The following COMMD6 variants were observed in gnomAD, a reference collection of about 807,000 sequenced individuals.
COMMD6 encodes COMM domain-containing protein 6.
COMMD6 carries 11 observed loss-of-function variants against 13.4 expected under a neutral mutation model. The ratio of observed to expected loss-of-function variants is 0.82; its 90% CI spans 0.52 to 1.36. The LOEUF (loss-of-function observed/expected upper bound fraction) is 1.36. COMMD6 is among the 40% of genes most tolerant of loss of function. The pLI is 0.00. For missense variants in COMMD6, 124 were observed against 102.4 expected (o/e 1.21, Z -0.91); for synonymous variants, 43 against 36.5 (o/e 1.18, Z -0.64).
At chr13:75,535,892 T>A (rs1316395436) in intron 2 of COMMD6, among the ~76,000 whole-genome samples, 1 of 147,292 alleles carries the variant, frequency 6.8e-6, no homozygotes, top group East Asian at 2.0e-4. Context: ...TACTCCGTAA[T>A]TTTTTTTTTT....
intron 2 of COMMD6, among the ~76,000 whole-genome samples, chr13:75,534,663 A>G (rs973048575): frequency 6.6e-6 from 1 of 152,220 alleles, no homozygotes; most frequent in Non-Finnish European, 1.5e-5. Context: ...AAGAAACAAA[A>G]AGCTAGTAGT....
At chr13:75,532,054 T>C (rs2030497317) in intron 2 of COMMD6, among the ~76,000 whole-genome samples, 1 of 152,252 alleles carries the variant, frequency 6.6e-6, no homozygotes, top group South Asian at 2.1e-4. Context: ...CCAAAAGTTA[T>C]GATTCAGTTC....
chr13:75,532,932 TG>T (rs1037029023), intron 2 of COMMD6, among the ~76,000 whole-genome samples: 6 of 151,266 alleles, frequency 4.0e-5, no homozygotes, highest in African/African-American at 1.5e-4. Flanking sequence ...GTTTTTGTTT[TG>T]TTTTTTTTTT....
chr13:75,542,569 G>A (rs764283277), upstream of COMMD6, among the ~76,000 whole-genome samples: 1 of 152,164 alleles, frequency 6.6e-6, no homozygotes, highest in Admixed American at 6.5e-5. Context: ...GATTACAGGC[G>A]TGAGTGACTG....
upstream of COMMD6, among the ~76,000 whole-genome samples, chr13:75,542,148 G>A (rs2030834191): frequency 6.6e-6 from 1 of 152,204 alleles, no homozygotes; most frequent in South Asian, 2.1e-4. Flanking sequence ...TATTTTTTGT[G>A]TAAGGGTGCA....
chr13:75,529,520 C>CAAAAAAAA (rs58073558), intron 3 of COMMD6, among the ~76,000 whole-genome samples: 1 of 104,644 alleles, frequency 9.6e-6, no homozygotes, highest in African/African-American at 3.7e-5. Context: ...GACTCCGTCT[C>CAAAAAAAA]AAAAAAAAAA....
chr13:75,526,985 A>G (rs1237980086), intron 3 of COMMD6, among the ~76,000 whole-genome samples: 1 of 152,232 alleles, frequency 6.6e-6, no homozygotes, highest in Non-Finnish European at 1.5e-5. Context: ...AACACTTTCA[A>G]TCTAGTAAAG....
intron 2 of COMMD6, among the ~76,000 whole-genome samples, chr13:75,535,930 C>T (rs754383118): frequency 1.4e-4 from 21 of 152,070 alleles, no homozygotes; most frequent in Non-Finnish European, 2.6e-4. Flanking sequence ...CTCTGTCACT[C>T]AGGCTGGACT....
At position 75,525,481 on chromosome 13, in the gene COMMD6, A is replaced by G. The variant is rs950192409; in HGVS notation, c.*1108T>C. On this transcript the variant is annotated 3_prime_UTR_variant, in exon 4 of 4. Coordinates refer to ENST00000682242, the MANE Select transcript of COMMD6 (RefSeq NM_203495.4). ...CGACGACACTGGTTGTGGGAGGGAG[A>G]GAGAAGGGATCTTTGGTTTCTCCTA... 1 of 152,132 alleles carries G rather than the reference A, an allele frequency of 6.6e-6. No homozygotes were observed. The highest frequency in any genetic ancestry group is 2.4e-5 in the African/African-American group (1 of 41,440). The allele number at this position is 152,132 out of a possible 1,614,324, so 9.4% of individuals were successfully genotyped here.
chr13:75,531,745 G>A (rs1299577307), intron 2 of COMMD6, among the ~76,000 whole-genome samples: 1 of 152,230 alleles, frequency 6.6e-6, no homozygotes, highest in Non-Finnish European at 1.5e-5. Context: ...GCAATGGGAA[G>A]TGTCACATGC....
At chr13:75,546,709 G>T (rs1057307017) in intron 1 of COMMD6, among the ~76,000 whole-genome samples, 7 of 152,188 alleles carry the variant, frequency 4.6e-5, no homozygotes, top group Non-Finnish European at 1.0e-4. Context: ...ATGTAAATAA[G>T]TGGCATGACA....
upstream of COMMD6, among the ~76,000 whole-genome samples, chr13:75,542,399 C>T (rs2030840065): frequency 6.6e-6 from 1 of 151,286 alleles, no homozygotes; most frequent in Non-Finnish European, 1.5e-5. Context: ...AAGTGATTCT[C>T]CTGCCTTAGC....
At chr13:75,540,308 G>C (rs2030804094), upstream of COMMD6, among the ~76,000 whole-genome samples, 2 of 145,342 alleles carry the variant, frequency 1.4e-5, no homozygotes, top group Admixed American at 7.1e-5. Context: ...TTGTCATCAT[G>C]GTGAGGGGGT....
At chr13:75,537,481 T>C in intron 2 of COMMD6, 183 bp downstream of exon 2, 1 of 1,553,208 alleles carries the variant, frequency 6.4e-7, no homozygotes, top group East Asian at 2.4e-5. Context: ...GAGCTTTCAT[T>C]ACAATGGCAA....
At chr13:75,533,239 T>C (rs1351419537) in intron 2 of COMMD6, among the ~76,000 whole-genome samples, 1 of 151,770 alleles carries the variant, frequency 6.6e-6, no homozygotes, top group Non-Finnish European at 1.5e-5. Context: ...GCCGAAAGTT[T>C]TTCAATAGAG....
In COMMD6 at chr13:75,530,268, T is replaced by C; in HGVS notation, c.55-2A>G. 2 of 1,608,132 alleles carry C rather than the reference T, an allele frequency of 1.2e-6. No individual in the cohort carries two copies. The highest frequency in any genetic ancestry group is 1.7e-6 in the Non-Finnish European group (2 of 1,177,550). ...CAGTTTCCACTGAAAATCTACAAGCTTTAATAAGACAGGACAAAATAATAC... is the reference window on the plus strand; with the variant it reads ...CAGTTTCCACTGAAAATCTACAAGCCTTAATAAGACAGGACAAAATAATAC... On this transcript the variant is annotated splice_acceptor_variant, in intron 2 of 3. Transcript: ENST00000682242. LOFTEE classifies it high-confidence loss of function.
In COMMD6 at chr13:75,537,678, G is replaced by C; in HGVS notation, c.43-3C>G. The stretch of plus-strand genomic sequence containing the variant: ...CGCTCACCCACCTGGTTGGTGACCT[G>C]AAACGGAAGCAGAAACACAATTTAG... On this transcript the variant is annotated splice_region_variant and splice_polypyrimidine_tract_variant and intron_variant, in intron 1 of 3. Transcript: ENST00000682242. The C allele has an allele frequency of 2.5e-6, 4 of 1,613,968 alleles. No homozygotes were observed. Among genetic ancestry groups the C allele is most frequent in the Non-Finnish European group, 3.4e-6 (4 of 1,179,874 alleles).
At position 75,530,373 on chromosome 13, in the gene COMMD6, G is replaced by C. The variant is rs375231435; in HGVS notation, c.55-107C>G. The C allele has an allele frequency of 2.0e-5, 15 of 758,874 alleles. 1 individual carries two copies. Among genetic ancestry groups the C allele is most frequent in the East Asian group, 5.3e-5 (2 of 37,632 alleles). 47.0% of individuals were successfully genotyped at this position (758,874 alleles called of 1,614,324 possible). On this transcript the variant is annotated intron_variant, in intron 2 of 3. Transcript: ENST00000682242. The stretch of plus-strand genomic sequence containing the variant: ...CACTCAACTTTTAGTTTCAACGCTG[G>C]TCATATTTACATAAAGTATCTTCAT...
rs1007070135 is a variant in COMMD6, at chr13:75,525,492, C to T, written c.*1097G>A. The T allele has an allele frequency of 9.9e-5, 15 of 152,248 alleles. No homozygotes were observed. The highest frequency in any genetic ancestry group is 1.8e-4 in the Non-Finnish European group (12 of 68,060). 9.4% of individuals were successfully genotyped at this position (152,248 alleles called of 1,614,324 possible). On this transcript the variant is annotated 3_prime_UTR_variant, in exon 4 of 4. Coordinates refer to ENST00000682242, the MANE Select transcript of COMMD6 (RefSeq NM_203495.4). ...GTTGTGGGAGGGAGAGAGAAGGGAT[C>T]TTTGGTTTCTCCTAATTCTAGAATC... is the stretch of plus-strand genomic sequence containing the variant.
Sources: allele counts gnomAD v4.1 joint callset (sites outside exome capture counted in the v4.1 genomes callset), GRCh38; gene constraint gnomAD v4.1.1; transcripts MANE v1.5; gene names NCBI Gene and HGNC (gene_info 2026-07-23, HGNC 2026-07-21).